The following L3MBTL1 variants were observed in gnomAD, a reference collection of about 807,000 sequenced individuals.
L3MBTL1 encodes L3MBTL histone methyl-lysine binding protein 1.
L3MBTL1 carries 75 observed loss-of-function variants against 105.3 expected under a neutral mutation model. That is an observed-to-expected ratio of 0.71 (90% CI 0.59 to 0.86). The LOEUF (loss-of-function observed/expected upper bound fraction) is 0.86. Ranked by LOEUF, L3MBTL1 falls within the 40% of genes least tolerant of loss-of-function variation. The pLI, the probability that L3MBTL1 is intolerant of heterozygous loss-of-function variation, is 0.00. For synonymous variants in L3MBTL1, 452 were observed against 436.2 expected (o/e 1.04, Z -0.45); for missense variants, 1,069 against 1,126.4 (o/e 0.95, Z 0.73).
At chr20:43,512,849 A>G (rs1396350900) in intron 1 of L3MBTL1, among the ~76,000 whole-genome samples, 1 of 152,188 alleles carries the variant, frequency 6.6e-6, no homozygotes, top group Non-Finnish European at 1.5e-5. Flanking sequence ...TCACGTACTG[A>G]CTTGACTGCG....
At chr20:43,545,975 A>T (rs772197267), downstream of L3MBTL1, among the ~76,000 whole-genome samples, 3 of 152,194 alleles carry the variant, frequency 2.0e-5, no homozygotes, top group Non-Finnish European at 4.4e-5. Flanking sequence ...AGATCCTTTC[A>T]TTCATTCTTT....
chr20:43,515,652 A>T (rs762285854), intron 6 of L3MBTL1: 3 of 546,200 alleles, frequency 5.5e-6, no homozygotes, highest in Non-Finnish European at 9.6e-6. Flanking sequence ...CAAGGTTAAG[A>T]CATAGTCAGG....
At position 43,516,194 on chromosome 20, in the gene L3MBTL1, G is replaced by GTA. The variant is rs763359816; in HGVS notation, c.862+25_862+26dup. 3.7e-6 allele frequency: 6 copies of GTA among 1,600,636 alleles called. No individual in the cohort carries two copies. The highest frequency in any genetic ancestry group is 1.3e-5 in the African/African-American group (1 of 74,642). On this transcript the variant is annotated intron_variant, in intron 7 of 21. Transcript: ENST00000418998. ...GCCAGCCTGGTACGGTGGCTTGTGT[G>GTA]TATATATATTCGTGTGAGGTGTGTA...
intron 10 of L3MBTL1, 157 bp from the exon 11 acceptor site, chr20:43,530,641 T>C (rs1267864495): frequency 2.5e-6 from 2 of 800,250 alleles, no homozygotes; most frequent in Non-Finnish European, 4.1e-6. Flanking sequence ...TCTACTCAAG[T>C]CGTGTCCTGC....
At chr20:43,522,379 A>G (rs1406252943) in intron 7 of L3MBTL1, among the ~76,000 whole-genome samples, 1 of 151,436 alleles carries the variant, frequency 6.6e-6, no homozygotes, top group Non-Finnish European at 1.5e-5. Context: ...GAAAGAAGAT[A>G]TAATATCAAT....
rs1221062326 is a variant in L3MBTL1 at position 43,520,082 on chromosome 20, TC to T, written c.862+3910del. ...GTCCTATATATCTATTAGCCATCAT[TC>T]CCCCTAAAGACCACCAGCAGTCTGC... is the stretch of plus-strand genomic sequence containing the variant. On this transcript the variant is annotated intron_variant, in intron 7 of 21. Coordinates refer to ENST00000418998, the MANE Select transcript of L3MBTL1 (RefSeq NM_001377303.1). 1.1e-4 allele frequency among the ~76,000 whole-genome samples: 16 copies of T among 152,242 alleles called. No homozygotes were observed. The East Asian group carries it at 2.9e-3, about 28-fold the overall frequency.
In L3MBTL1 at chr20:43,507,731, G is replaced by C. The variant is rs978892621; in HGVS notation, c.-42G>C. ...CGTAGCTAGGCGCTGGGCGGCCACC[G>C]GCTGGCCAGGCAGGTAAGCAACCAG... On this transcript the variant is annotated 5_prime_UTR_variant, in exon 1 of 22. Coordinates refer to ENST00000418998, the MANE Select transcript of L3MBTL1 (RefSeq NM_001377303.1). The C allele has an allele frequency of 5.3e-5, 8 of 152,102 alleles. No individual in the cohort carries two copies. The highest frequency in any genetic ancestry group is 1.9e-4 in the African/African-American group (8 of 41,442). 9.4% of individuals were successfully genotyped at this position (152,102 alleles called of 1,614,324 possible).
At chr20:43,511,566 G>C (rs1273523493) in intron 1 of L3MBTL1, among the ~76,000 whole-genome samples, 1 of 152,058 alleles carries the variant, frequency 6.6e-6, no homozygotes, top group Non-Finnish European at 1.5e-5. Flanking sequence ...CGGATCACCT[G>C]AGGTCAGGAG....
chr20:43,513,408 C>T lies in L3MBTL1; in HGVS notation c.-28-68C>T, dbSNP rs528284329. 4 of 1,457,610 alleles carry T rather than the reference C, an allele frequency of 2.7e-6. No individual in the cohort carries two copies. The South Asian group carries it at 5.4e-5, about 20-fold the overall frequency. 90.3% of individuals were successfully genotyped at this position (1,457,610 alleles called of 1,614,324 possible). ...GCTTCTCAAAGAAGCCCCATCCCTTCACATCTCCATTGCTGCTGTAACAAA... is the reference window on the plus strand; with the variant it reads ...GCTTCTCAAAGAAGCCCCATCCCTTTACATCTCCATTGCTGCTGTAACAAA... On this transcript the variant is annotated intron_variant, in intron 1 of 21. Coordinates refer to ENST00000418998, the MANE Select transcript of L3MBTL1 (RefSeq NM_001377303.1).
rs375417824 is a variant in L3MBTL1 at position 43,515,210 on chromosome 20, C to T, written c.653+51C>T. 12 of 1,613,990 alleles carry T rather than the reference C, an allele frequency of 7.4e-6. 1 individual carries two copies. The highest frequency in any genetic ancestry group is 3.3e-5 in the Admixed American group (2 of 60,008). ...CTTGCTCTACCTTCAGCCCCCAAAG[C>T]CTCATTCCTGTTCAGGGGTTAGGAG... On this transcript the variant is annotated intron_variant, in intron 5 of 21. Transcript: ENST00000418998.
At chr20:43,530,926 TG>T in intron 11 of L3MBTL1, 37 bp downstream of exon 11, 1 of 1,536,440 alleles carries the variant, frequency 6.5e-7, no homozygotes, top group East Asian at 2.3e-5. Flanking sequence ...GTCACTCCCA[TG>T]TGCCAGAGTT....
At chr20:43,527,935 C>T (rs2019116915) in intron 7 of L3MBTL1, among the ~76,000 whole-genome samples, 1 of 152,022 alleles carries the variant, frequency 6.6e-6, no homozygotes, top group Non-Finnish European at 1.5e-5. Context: ...CCCTGTTGCC[C>T]AGGCTGGAAT....
Position 43,514,080 on chromosome 20 carries a change from T to G in L3MBTL1, c.360+19T>G. 2.0e-6 allele frequency: 3 copies of G among 1,524,880 alleles called. No individual in the cohort carries two copies. The South Asian group carries it at 3.6e-5, about 18-fold the overall frequency. 94.5% of individuals were successfully genotyped at this position (1,524,880 alleles called of 1,614,324 possible). On this transcript the variant is annotated intron_variant, in intron 3 of 21. Coordinates refer to ENST00000418998, the MANE Select transcript of L3MBTL1 (RefSeq NM_001377303.1). ...CCTGCGGGTCAGTGTCTGTGGGGAT[T>G]GGCTAAGCCTCGTAAACCGCAGCCA...
intron 9 of L3MBTL1, 115 bp from the exon 10 acceptor site, chr20:43,530,169 G>A (rs960263138): frequency 3.8e-6 from 5 of 1,314,866 alleles, no homozygotes; most frequent in Non-Finnish European, 5.3e-6. Context: ...TGGGGTTGGG[G>A]AACCTGCTAG....
At position 43,522,457 on chromosome 20, in the gene L3MBTL1, G is replaced by GTTTTTTTTTTTT. The variant is rs1176856356; in HGVS notation, c.863-6180_863-6169dup. ...TGGTAACTGAATTTTTCCCTGCTAA[G>GTTTTTTTTTTTT]TTTTTTTTTTTTTTTTTTTTTTTTT... On this transcript the variant is annotated intron_variant, in intron 7 of 21. Coordinates refer to ENST00000418998, the MANE Select transcript of L3MBTL1 (RefSeq NM_001377303.1). Among the ~76,000 whole-genome samples, 200 of 95,794 alleles carry GTTTTTTTTTTTT rather than the reference G, an allele frequency of 2.1e-3. 32 individuals are homozygous for GTTTTTTTTTTTT. The highest frequency in any genetic ancestry group is 6.4e-3 in the East Asian group (17 of 2,650). 62.8% of individuals were successfully genotyped at this position (95,794 alleles called of 152,430 possible).
intron 1 of L3MBTL1, 64 bp downstream of exon 1, chr20:43,507,808 C>G (rs948730895): frequency 6.6e-6 from 1 of 152,120 alleles, no homozygotes; most frequent in Admixed American, 6.5e-5. Flanking sequence ...CACCCCGCTC[C>G]GTCCAGGGCG....
rs763075658 is a variant in L3MBTL1 at position 43,529,341 on chromosome 20, C to G, written c.1029C>G (p.Ser343=). ...KLEGIDPQHP[S]MYFILTVAEV... is the part of the protein sequence containing the mutation. The stretch of plus-strand genomic sequence containing the variant: ...AAGGCATTGACCCTCAACACCCGTC[C>G]ATGTACTTCATCCTCACCGTGGCTG... Residue 343 remains serine, a synonymous_variant, in exon 9 of 22, where the codon TCC becomes TCG. Transcript: ENST00000418998. 1 of 1,612,762 alleles carries G rather than the reference C, an allele frequency of 6.2e-7. No individual in the cohort carries two copies. The highest frequency in any genetic ancestry group is 8.5e-7 in the Non-Finnish European group (1 of 1,179,482).
chr20:43,528,999 T>G, intron 8 of L3MBTL1: 1 of 602,152 alleles, frequency 1.7e-6, no homozygotes, highest in Non-Finnish European at 3.0e-6. Flanking sequence ...TCTGGTGACT[T>G]CTACTCAATT....
At chr20:43,534,588 T>G (rs1177390740) in intron 15 of L3MBTL1, 194 bp downstream of exon 15, 1 of 614,480 alleles carries the variant, frequency 1.6e-6, no homozygotes, top group Non-Finnish European at 2.9e-6. Flanking sequence ...TTACATCATC[T>G]GTAAAATGGG....
Sources: allele counts gnomAD v4.1 joint callset (sites outside exome capture counted in the v4.1 genomes callset), GRCh38; gene constraint gnomAD v4.1.1; transcripts MANE v1.5; gene names NCBI Gene and HGNC (gene_info 2026-07-23, HGNC 2026-07-21).